The following ESR2 variants were observed in gnomAD, a reference collection of about 807,000 sequenced individuals.
ESR2 encodes the protein estrogen receptor beta.
Under a neutral mutation model 49.6 loss-of-function variants are expected in ESR2, and 36 were observed. That is an observed-to-expected ratio of 0.73 (90% CI 0.56 to 0.96). The LOEUF (loss-of-function observed/expected upper bound fraction) is 0.96. Ranked by LOEUF, ESR2 falls within the 40% of genes least tolerant of loss-of-function variation. The pLI is 0.00. For missense variants in ESR2, 714 were observed against 693.0 expected, an observed-to-expected ratio of 1.03 and a Z score of -0.34; for synonymous variants, 320 against 266.1, an observed-to-expected ratio of 1.20 and a Z score of -1.97.
chr14:64,255,547 T>G (rs184331358), intron 6 of ESR2, among the ~76,000 whole-genome samples: 1 of 152,334 alleles, frequency 6.6e-6, no homozygotes, highest in Non-Finnish European at 1.5e-5. Context: ...AGTAGAGAGT[T>G]AGTTTGCCAT....
chr14:64,242,548 C>A (rs1395953514), intron 7 of ESR2, among the ~76,000 whole-genome samples: 1 of 150,566 alleles, frequency 6.6e-6, no homozygotes, highest in Non-Finnish European at 1.5e-5. Context: ...CTTGTATTCC[C>A]AAAAATTCTG....
intron 1 of ESR2, chr14:64,329,669 A>G (rs1292872077): frequency 6.6e-6 from 1 of 152,234 alleles, no homozygotes; most frequent in East Asian, 1.9e-4. Flanking sequence ...CTTGTATCAT[A>G]CATACAAACA....
chr14:64,251,421 ACACACACACT>A (rs143385015), intron 6 of ESR2, among the ~76,000 whole-genome samples: 6,801 of 151,640 alleles, frequency 0.045, 498 homozygotes, highest in East Asian at 0.37. Flanking sequence ...ATACACACAC[ACACACACACT>A]CACACACACC....
At chr14:64,310,564 C>T (rs1275189134) in intron 1 of ESR2, among the ~76,000 whole-genome samples, 3 of 151,240 alleles carry the variant, frequency 2.0e-5, no homozygotes, top group Non-Finnish European at 4.4e-5. Flanking sequence ...CTCTGCCTTC[C>T]GGTTTCAAGC....
At chr14:64,310,129 C>T (rs2077167818) in intron 1 of ESR2, among the ~76,000 whole-genome samples, 1 of 151,110 alleles carries the variant, frequency 6.6e-6, no homozygotes. Flanking sequence ...AAAACTTAGC[C>T]GAGCACGCTG....
chr14:64,263,341 A>C (rs2076258625), intron 4 of ESR2, among the ~76,000 whole-genome samples: 1 of 152,206 alleles, frequency 6.6e-6, no homozygotes, highest in Non-Finnish European at 1.5e-5. Flanking sequence ...AAAAAGATAA[A>C]TAATTCTAAA....
At chr14:64,311,355 A>T (rs1277909510) in intron 1 of ESR2, among the ~76,000 whole-genome samples, 2 of 152,118 alleles carry the variant, frequency 1.3e-5, no homozygotes, top group East Asian at 3.9e-4. Context: ...AAAGCCTACA[A>T]CACACTGGGG....
chr14:64,305,149 G>T (rs1330778633), intron 1 of ESR2, among the ~76,000 whole-genome samples: 1 of 151,340 alleles, frequency 6.6e-6, no homozygotes, highest in Non-Finnish European at 1.5e-5. Context: ...AAATTAGCCG[G>T]GCGTGGTGGC....
chr14:64,268,725 T>A, intron 4 of ESR2, 70 bp downstream of exon 4: 1 of 849,642 alleles, frequency 1.2e-6, no homozygotes, highest in Non-Finnish European at 2.0e-6. Context: ...CGGCTACCTG[T>A]CCCCAGTTCC....
chr14:64,289,007 G>T (rs999615350), intron 1 of ESR2, among the ~76,000 whole-genome samples: 1 of 138,062 alleles, frequency 7.2e-6, no homozygotes, highest in African/African-American at 2.7e-5. Context: ...AAAAAAAAAA[G>T]GTCAGCCACC....
intron 1 of ESR2, among the ~76,000 whole-genome samples, chr14:64,302,160 T>TA (rs1555593261): frequency 9.9e-4 from 137 of 138,202 alleles, no homozygotes; most frequent in African/African-American, 3.4e-3. Context: ...TATTTTTTAT[T>TA]TTTATTTATT....
chr14:64,236,711 A>G (rs1030704694), intron 7 of ESR2, among the ~76,000 whole-genome samples: 2 of 151,838 alleles, frequency 1.3e-5, no homozygotes, highest in Admixed American at 1.3e-4. Flanking sequence ...GCTCATTTAT[A>G]CCCATTCCTC....
At chr14:64,242,449 AAAAT>A (rs1207185956) in intron 7 of ESR2, among the ~76,000 whole-genome samples, 48 of 145,860 alleles carry the variant, frequency 3.3e-4, no homozygotes, top group African/African-American at 9.6e-4. Flanking sequence ...ACAAACAAAA[AAAAT>A]ATATATATAT....
At chr14:64,251,428 CA>C (rs1346574300) in intron 6 of ESR2, among the ~76,000 whole-genome samples, 2 of 139,072 alleles carry the variant, frequency 1.4e-5, no homozygotes, top group East Asian at 9.3e-4. Flanking sequence ...CACACACACA[CA>C]CTCACACACA....
At chr14:64,295,827 C>T (rs1333689657), upstream of ESR2, among the ~76,000 whole-genome samples, 4 of 152,096 alleles carry the variant, frequency 2.6e-5, no homozygotes, top group Admixed American at 6.5e-5. Context: ...AGGTGGATCA[C>T]GAGGTCAGGA....
chr14:64,287,283 G>A (rs1320616222), intron 1 of ESR2, among the ~76,000 whole-genome samples: 1 of 152,050 alleles, frequency 6.6e-6, no homozygotes, highest in Non-Finnish European at 1.5e-5. Flanking sequence ...ACCCAGCAGT[G>A]GTGAAACCAA....
chr14:64,235,941 CCCTG>C (rs1001854539), intron 7 of ESR2, among the ~76,000 whole-genome samples: 2 of 152,174 alleles, frequency 1.3e-5, no homozygotes, highest in African/African-American at 2.4e-5. Context: ...TCCCCCCGAC[CCCTG>C]CCTGACTCCT....
chr14:64,302,860 A>T (rs1199424182), intron 1 of ESR2, among the ~76,000 whole-genome samples: 2 of 151,726 alleles, frequency 1.3e-5, no homozygotes, highest in Non-Finnish European at 2.9e-5. Flanking sequence ...GTGCAGTGGC[A>T]CAATCTCGGC....
intron 4 of ESR2, among the ~76,000 whole-genome samples, chr14:64,265,713 T>C (rs1163147820): frequency 6.6e-6 from 1 of 152,180 alleles, no homozygotes. Context: ...TCCATAAAGT[T>C]AGTCTAGGTG....
Sources: gnomAD v4.1 joint callset for allele counts (sites outside exome capture counted in the v4.1 genomes callset) on GRCh38, gnomAD v4.1.1 for gene constraint, MANE v1.5 for transcripts, NCBI Gene and HGNC (gene_info 2026-07-23, HGNC 2026-07-21) for gene names.